ARHGEF17: variants seen among roughly 807,000 people sequenced by gnomAD.
The protein encoded by ARHGEF17 is Rho guanine nucleotide exchange factor 17, also known as 164 kDa Rho-specific guanine-nucleotide exchange factor.
A neutral mutation model predicts 174.0 loss-of-function variants in ARHGEF17; 80 were observed. That is an observed-to-expected ratio of 0.46 (90% CI 0.38 to 0.55). ARHGEF17 has a LOEUF of 0.55. Among genes scored for constraint, ARHGEF17 ranks in the 20% least tolerant of loss-of-function variants. ARHGEF17 has a pLI of 0.00. For missense variants in ARHGEF17, 2,886 were observed against 2,839.7 expected (o/e 1.02, Z -0.37); for synonymous variants, 1,311 against 1,189.1 (o/e 1.10, Z -2.11).
At position 73,365,893 on chromosome 11, in the gene ARHGEF17, C is replaced by A. The variant is rs1239345191; in HGVS notation, c.5941C>A (p.Leu1981Met). ...GHVRFLAAVQLPDGFNLLCPT... is the reference protein window; with the variant it reads ...GHVRFLAAVQMPDGFNLLCPT... ...CGTCCGCTTCTTGGCTGCAGTCCAG[C>A]TGCCAGATGGCTTCAACCTGCTCTG... The change falls in exon 20 of 21, where the codon CTG (leucine) becomes ATG (methionine). Residue 1981 changes from leucine (L) to methionine (M), a missense_variant. This residue lies in a region of ARHGEF17 where 329 missense variants were observed against 435.2 expected (regional missense o/e 0.76). Transcript: ENST00000263674. This position sits in a 1 kb window ranked among gnomAD's most constrained non-coding sequence, Gnocchi z 4.9. The A allele has an allele frequency of 1.2e-6, 2 of 1,609,438 alleles. No individual in the cohort carries two copies. The highest frequency in any genetic ancestry group is 1.7e-6 in the Non-Finnish European group (2 of 1,180,028).
chr11:73,311,816 A>C lies in ARHGEF17; in HGVS notation c.3178A>C (p.Ser1060Arg), dbSNP rs1363876790. 1 of 1,603,772 alleles carries C rather than the reference A, an allele frequency of 6.2e-7. No individual in the cohort carries two copies. Among genetic ancestry groups the C allele is most frequent in the Admixed American group, 1.7e-5 (1 of 59,718 alleles). The change falls in exon 1 of 21, where the codon AGC becomes CGC. Residue 1060 changes from serine (S) to arginine (R), a missense_variant. Physicochemically the swap from Ser to Arg is moderately radical, Grantham distance 110. Around this residue, in one of 4 missense-constraint regions of ARHGEF17, gnomAD observed 353 missense variants for 470.3 expected, o/e 0.75. Coordinates refer to ENST00000263674, the MANE Select transcript of ARHGEF17 (RefSeq NM_014786.4). ...DEPTPASKCC[S>R]KPQVDMRKHV... The stretch of plus-strand genomic sequence containing the variant: ...GCCTACCCCTGCCAGCAAGTGCTGC[A>C]GCAAGCCACAGGTGGTGAGTCCTTT...
intron 1 of ARHGEF17, among the ~76,000 whole-genome samples, chr11:73,333,375 C>T (rs966702376): frequency 3.3e-5 from 5 of 152,258 alleles, no homozygotes; most frequent in South Asian, 4.1e-4. Context: ...CATGCACGCG[C>T]GCGCGCACTC....
Position 73,341,237 on chromosome 11 carries a change from C to G in ARHGEF17, c.3193-5646C>G, listed in dbSNP as rs571994766. On this transcript the variant is annotated intron_variant, in intron 1 of 20. Coordinates refer to ENST00000263674, the MANE Select transcript of ARHGEF17 (RefSeq NM_014786.4). Reference sequence around the variant, plus strand: ...AGAGCAGAAATTAGATGCACATGACCTAATCTGAGGATCAGGGAGGGCTTC... The same window carrying G: ...AGAGCAGAAATTAGATGCACATGACGTAATCTGAGGATCAGGGAGGGCTTC... Among the ~76,000 whole-genome samples the G allele has an allele frequency of 2.0e-4, 30 of 152,312 alleles. No homozygotes were observed. The East Asian group carries it at 5.2e-3, about 26-fold the overall frequency.
chr11:73,363,894 T>G, intron 16 of ARHGEF17, 61 bp downstream of exon 16: 1 of 1,534,268 alleles, frequency 6.5e-7, no homozygotes, highest in African/African-American at 1.4e-5. Context: ...GCAGGCCTCC[T>G]TCTGTTCATC....
At chr11:73,362,375 A>G in intron 13 of ARHGEF17, 58 bp from the exon 14 acceptor site, 1 of 1,467,496 alleles carries the variant, frequency 6.8e-7, no homozygotes, top group South Asian at 1.4e-5. Flanking sequence ...GGGCGTGTCC[A>G]CCACCGGGGC....
chr11:73,309,511 G>A lies in ARHGEF17; in HGVS notation c.873G>A (p.Gly291=). The A allele has an allele frequency of 1.9e-6, 3 of 1,559,298 alleles. No individual in the cohort carries two copies. The highest frequency in any genetic ancestry group is 2.6e-6 in the Non-Finnish European group (3 of 1,149,854). Residue 291 remains glycine (G), a synonymous_variant, in exon 1 of 21, where the codon GGG becomes GGA. Transcript: ENST00000263674. ...GTGAGGGCGGCCACCGCTGGGGAGG[G>A]AGGCCCGGGCTCAGGCCTGGAAGCT... ...RDGEGGHRWG[G]RPGLRPGSSL... is the part of the protein sequence containing the mutation.
intron 1 of ARHGEF17, among the ~76,000 whole-genome samples, chr11:73,327,371 G>A (rs1865119162): frequency 6.6e-6 from 1 of 152,248 alleles, no homozygotes; most frequent in Admixed American, 6.5e-5. Context: ...TGTAGGATGA[G>A]TGAATTAGGT....
At chr11:73,357,795 G>A (rs748480839) in intron 9 of ARHGEF17, among the ~76,000 whole-genome samples, 6 of 152,194 alleles carry the variant, frequency 3.9e-5, no homozygotes, top group Non-Finnish European at 2.9e-5. Context: ...TCCAGGAGCC[G>A]CTCCTCCTGC....
chr11:73,358,453 CTTTTTTTTTTT>C (rs1172357794), intron 9 of ARHGEF17, among the ~76,000 whole-genome samples: 1 of 93,296 alleles, frequency 1.1e-5, no homozygotes, highest in Non-Finnish European at 2.0e-5. Flanking sequence ...AGGTCCGCCT[CTTTTTTTTTTT>C]TTTTTTTTTT....
intron 2 of ARHGEF17, among the ~76,000 whole-genome samples, chr11:73,351,553 A>T (rs1865554045): frequency 1.3e-5 from 2 of 152,036 alleles, no homozygotes; most frequent in African/African-American, 2.4e-5. Context: ...ATGTGGTCTC[A>T]TGATCTCCCA....
rs1251217419 is a variant in ARHGEF17, at chr11:73,309,602, G to C, written c.964G>C (p.Gly322Arg). Residue 322 changes from glycine (G) to arginine (R), a missense_variant, in exon 1 of 21, where the codon GGG (glycine) becomes CGG (arginine). Physicochemically the swap from Gly to Arg is moderately radical, Grantham distance 125 (BLOSUM62 -2). Coordinates refer to ENST00000263674, the MANE Select transcript of ARHGEF17 (RefSeq NM_014786.4). ...AAATCTAAGCAGCATGAACTCAGCA[G>C]GGGTTTCTGGGAGCCCTGAGCCCCC... is the stretch of plus-strand genomic sequence containing the variant. ...GLNLSSMNSAGVSGSPEPPTS... is the reference protein window; with the variant it reads ...GLNLSSMNSARVSGSPEPPTS... The C allele has an allele frequency of 1.2e-5, 19 of 1,613,026 alleles. No individual in the cohort carries two copies. The highest frequency in any genetic ancestry group is 1.6e-5 in the Non-Finnish European group (19 of 1,179,984).
intron 6 of ARHGEF17, 41 bp from the exon 7 acceptor site, chr11:73,356,668 A>G (rs1865647005): frequency 1.2e-6 from 2 of 1,612,956 alleles, no homozygotes; most frequent in Non-Finnish European, 1.7e-6. Flanking sequence ...ATAGGGATTA[A>G]TAACTGGCCT....
intron 4 of ARHGEF17, 93 bp downstream of exon 4, chr11:73,355,742 C>CA: frequency 6.4e-7 from 1 of 1,561,014 alleles, no homozygotes. Context: ...ACCATAGTCC[C>CA]AGCCAGTGGG....
chr11:73,362,079 C>A lies in ARHGEF17; in HGVS notation c.4534C>A (p.Pro1512Thr). ...AAPTLNSCPEPSPEVWVCNSD... is the reference protein window; with the variant it reads ...AAPTLNSCPETSPEVWVCNSD... ...TCCCACCCTGAACAGCTGCCCGGAG[C>A]CCTCGCCTGAGGTATGGGTCTGCAA... The change falls in exon 13 of 21, where the codon CCC (proline) becomes ACC (threonine). Residue 1512 changes from proline (P) to threonine (T), a missense_variant. Transcript: ENST00000263674. The A allele has an allele frequency of 1.2e-6, 2 of 1,612,856 alleles. No individual in the cohort carries two copies.
At position 73,352,688 on chromosome 11, in the gene ARHGEF17, G is replaced by C. The variant is rs1481683766; in HGVS notation, c.3271-142G>C. On this transcript the variant is annotated intron_variant, in intron 2 of 20. Transcript: ENST00000263674. ...TTCCCATCTCCCTCCTGGAGCTCTT[G>C]GTCTCATGAGGGAGATGTGGAAGGC... is the stretch of plus-strand genomic sequence containing the variant. The C allele has an allele frequency of 9.8e-6, 8 of 812,382 alleles. No homozygotes were observed. In the South Asian group the frequency reaches 1.2e-4, roughly 12 times the overall value. The allele number at this position is 812,382 out of a possible 1,614,324, so 50.3% of individuals were successfully genotyped here.
chr11:73,342,772 C>T (rs1463444302), intron 1 of ARHGEF17, among the ~76,000 whole-genome samples: 2 of 106,090 alleles, frequency 1.9e-5, no homozygotes, highest in Admixed American at 1.1e-4. Context: ...TGTCCTGGGG[C>T]GGGGGATGGG....
intron 1 of ARHGEF17, among the ~76,000 whole-genome samples, chr11:73,320,137 C>T (rs1361463924): frequency 6.6e-6 from 1 of 152,056 alleles, no homozygotes; most frequent in Non-Finnish European, 1.5e-5. Flanking sequence ...TGCTGTCTGA[C>T]CAGAGGAACT....
intron 17 of ARHGEF17, 58 bp from the exon 18 acceptor site, chr11:73,364,394 G>A: frequency 6.2e-7 from 1 of 1,611,522 alleles, no homozygotes; most frequent in Non-Finnish European, 8.5e-7. Flanking sequence ...TTTCAGGGGA[G>A]ACCGAGGCTC....
chr11:73,346,819 G>C (rs1445663353), intron 1 of ARHGEF17, 64 bp from the exon 2 acceptor site: 7 of 1,291,086 alleles, frequency 5.4e-6, no homozygotes, highest in East Asian at 5.9e-5. Context: ...GCACCATGTG[G>C]CTACAGGTGA....
Sources: gnomAD v4.1 joint callset for allele counts (sites outside exome capture counted in the v4.1 genomes callset) on GRCh38, gnomAD v4.1.1 for gene constraint, gnomAD v4.1.1 regional missense constraint, Gnocchi (gnomAD v3.1) non-coding constraint, MANE v1.5 for transcripts, NCBI Gene and HGNC (gene_info 2026-07-23, HGNC 2026-07-21) for gene names.